The following SMIM14 variants were observed in gnomAD, a reference collection of about 807,000 sequenced individuals.
The protein encoded by SMIM14 is chromosome 4 open reading frame 34.
Under a neutral mutation model 12.6 loss-of-function variants are expected in SMIM14, and 5 were observed. That is an observed-to-expected ratio of 0.40 (90% CI 0.21 to 0.83). The LOEUF (loss-of-function observed/expected upper bound fraction) is 0.83. SMIM14 is among the 40% of genes least tolerant of loss of function. SMIM14 has a pLI of 0.37. For missense variants in SMIM14, 86 were observed against 119.1 expected (o/e 0.72, Z 1.29); for synonymous variants, 30 against 40.1 (o/e 0.75, Z 0.95).
intron 1 of SMIM14, among the ~76,000 whole-genome samples, chr4:39,628,791 A>G (rs908717205): frequency 1.7e-4 from 25 of 145,076 alleles, no homozygotes; most frequent in Non-Finnish European, 3.3e-4. Context: ...GGAGTGCAGC[A>G]GCACATTCTC....
intron 1 of SMIM14, among the ~76,000 whole-genome samples, chr4:39,635,378 T>G (rs553394192): frequency 6.6e-6 from 1 of 152,290 alleles, no homozygotes; most frequent in African/African-American, 2.4e-5. Flanking sequence ...ATTCTGAATA[T>G]GGATGGAAAA....
At chr4:39,586,495 G>C (rs971128323) in intron 2 of SMIM14, among the ~76,000 whole-genome samples, 9 of 151,882 alleles carry the variant, frequency 5.9e-5, no homozygotes, top group African/African-American at 2.2e-4. Flanking sequence ...TATCAGAATG[G>C]CCTTTATTTT....
chr4:39,629,383 CATAT>C (rs71645114), intron 1 of SMIM14, among the ~76,000 whole-genome samples: 2 of 118,302 alleles, frequency 1.7e-5, no homozygotes, highest in Non-Finnish European at 3.2e-5. Flanking sequence ...AAAAAAGATA[CATAT>C]ATATATATAT....
chr4:39,629,569 A>AGCAGC (rs1387348180), intron 1 of SMIM14, among the ~76,000 whole-genome samples: 1 of 151,150 alleles, frequency 6.6e-6, no homozygotes, highest in Non-Finnish European at 1.5e-5. Context: ...CAACCCCCCA[A>AGCAGC]GCAGCTAGGA....
intron 3 of SMIM14, among the ~76,000 whole-genome samples, chr4:39,563,060 C>A (rs1036657778): frequency 2.6e-5 from 4 of 151,684 alleles, no homozygotes; most frequent in East Asian, 1.9e-4. Flanking sequence ...CATACCTCTT[C>A]TTTTTTTTAT....
chr4:39,573,471 G>T (rs1713007124), intron 2 of SMIM14, among the ~76,000 whole-genome samples: 1 of 152,162 alleles, frequency 6.6e-6, no homozygotes, highest in Admixed American at 6.6e-5. Context: ...AGAATACTCT[G>T]AGGGGCTGTC....
chr4:39,622,432 G>A (rs933086029), intron 1 of SMIM14, among the ~76,000 whole-genome samples: 3 of 151,830 alleles, frequency 2.0e-5, no homozygotes, highest in Non-Finnish European at 4.4e-5. Context: ...ACGGAGTCTC[G>A]CTTTTTTGCC....
At chr4:39,602,351 T>C (rs60626926) in intron 2 of SMIM14, among the ~76,000 whole-genome samples, 437 of 152,042 alleles carry the variant, frequency 2.9e-3, no homozygotes, top group African/African-American at 9.8e-3. Context: ...TCCCAGCACT[T>C]TGGGAGGCCG....
At chr4:39,568,821 T>A (rs1712711526) in intron 3 of SMIM14, among the ~76,000 whole-genome samples, 1 of 152,206 alleles carries the variant, frequency 6.6e-6, no homozygotes, top group Non-Finnish European at 1.5e-5. Flanking sequence ...AACTACTGTT[T>A]AACCATTTAA....
intron 3 of SMIM14, among the ~76,000 whole-genome samples, chr4:39,562,009 T>TATC: frequency 6.6e-6 from 1 of 151,962 alleles, no homozygotes; most frequent in Non-Finnish European, 1.5e-5. Context: ...CGTAGTTCCC[T>TATC]TAACTATCTC....
At chr4:39,602,104 C>T (rs1714639573) in intron 2 of SMIM14, among the ~76,000 whole-genome samples, 1 of 150,254 alleles carries the variant, frequency 6.7e-6, no homozygotes, top group Non-Finnish European at 1.5e-5. Flanking sequence ...CAAAAATTAG[C>T]CAGGTGTGGT....
At chr4:39,581,554 C>T in intron 2 of SMIM14, among the ~76,000 whole-genome samples, 1 of 131,420 alleles carries the variant, frequency 7.6e-6, no homozygotes, top group Non-Finnish European at 1.6e-5. Context: ...CTTGATCTGT[C>T]ACCCAGGCTG....
At chr4:39,613,951 G>A (rs977937393) in intron 1 of SMIM14, among the ~76,000 whole-genome samples, 5 of 152,074 alleles carry the variant, frequency 3.3e-5, no homozygotes, top group Admixed American at 2.6e-4. Flanking sequence ...AGCATTTTGG[G>A]AGGCCGAGGT....
intron 2 of SMIM14, among the ~76,000 whole-genome samples, chr4:39,581,375 C>T (rs4975024): frequency 0.88 from 134,238 of 152,140 alleles, 60,100 homozygotes; most frequent in Non-Finnish European, 0.96. Context: ...TGAAATCATA[C>T]TTTTGCTTTT....
At chr4:39,603,645 G>A (rs1483742198) in intron 2 of SMIM14, among the ~76,000 whole-genome samples, 1 of 151,976 alleles carries the variant, frequency 6.6e-6, no homozygotes, top group Non-Finnish European at 1.5e-5. Flanking sequence ...CACTACAATC[G>A]ACTCAATGAG....
intron 1 of SMIM14, among the ~76,000 whole-genome samples, chr4:39,630,019 T>C (rs1222808986): frequency 1.3e-5 from 2 of 152,218 alleles, no homozygotes; most frequent in African/African-American, 4.8e-5. Context: ...TTGTTAAAGA[T>C]GAATGTTATC....
At chr4:39,634,724 C>A (rs1475580295) in intron 1 of SMIM14, among the ~76,000 whole-genome samples, 1 of 152,096 alleles carries the variant, frequency 6.6e-6, no homozygotes, top group African/African-American at 2.4e-5. Context: ...CCATTTCTCA[C>A]AGAAATTAAT....
At chr4:39,629,323 T>C (rs996058043) in intron 1 of SMIM14, among the ~76,000 whole-genome samples, 4 of 131,960 alleles carry the variant, frequency 3.0e-5, no homozygotes, top group Non-Finnish European at 6.1e-5. Flanking sequence ...ATCGTGCCAC[T>C]GCACTCCAGC....
At chr4:39,582,548 C>T (rs1713566108) in intron 2 of SMIM14, among the ~76,000 whole-genome samples, 3 of 151,542 alleles carry the variant, frequency 2.0e-5, no homozygotes, top group Non-Finnish European at 4.4e-5. Flanking sequence ...GCTGTAATCC[C>T]AGCTACTTGG....
Sources: gnomAD v4.1 joint callset for allele counts (sites outside exome capture counted in the v4.1 genomes callset) on GRCh38, gnomAD v4.1.1 for gene constraint, MANE v1.5 for transcripts, NCBI Gene and HGNC (gene_info 2026-07-23, HGNC 2026-07-21) for gene names.